The following IL33 variants were observed in gnomAD, a reference collection of about 807,000 sequenced individuals.
IL33 encodes interleukin 33, also known as interleukin-33.
A neutral mutation model predicts 27.3 loss-of-function variants in IL33; 37 were observed. That is an observed-to-expected ratio of 1.36 (90% CI 1.04 to 1.78). The LOEUF (loss-of-function observed/expected upper bound fraction) is 1.78, where lower values mean the gene tolerates loss of function less well. Among genes scored for constraint, IL33 ranks in the 40% most tolerant of loss-of-function variants. IL33 has a pLI of 0.00. For missense variants in IL33, 406 were observed against 311.4 expected (o/e 1.30, Z -2.29); for synonymous variants, 132 against 102.9 (o/e 1.28, Z -1.71).
At chr9:6,230,487 C>T (rs952574828) in intron 1 of IL33, among the ~76,000 whole-genome samples, 3 of 152,082 alleles carry the variant, frequency 2.0e-5, no homozygotes, top group Non-Finnish European at 4.4e-5. Flanking sequence ...TCTAATCTCC[C>T]TTAAGAAAGA....
chr9:6,233,017 T>C, intron 1 of IL33, among the ~76,000 whole-genome samples: 1 of 152,214 alleles, frequency 6.6e-6, no homozygotes, highest in Non-Finnish European at 1.5e-5. Context: ...ATACATAATA[T>C]AAAATTTACC....
intron 2 of IL33, among the ~76,000 whole-genome samples, chr9:6,243,035 C>T (rs929429475): frequency 3.9e-5 from 6 of 152,148 alleles, no homozygotes; most frequent in African/African-American, 7.2e-5. Context: ...AGTGAGAATT[C>T]GCTCTTGTGA....
intron 1 of IL33, among the ~76,000 whole-genome samples, chr9:6,234,440 C>G (rs1343288122): frequency 5.3e-5 from 8 of 152,220 alleles, no homozygotes; most frequent in Admixed American, 5.2e-4. Context: ...TTCCCCTCAT[C>G]CCCAGTCCAG....
intron 2 of IL33, 65 bp downstream of exon 2, chr9:6,241,850 C>A: frequency 9.3e-7 from 1 of 1,074,166 alleles, no homozygotes; most frequent in Non-Finnish European, 1.4e-6. Context: ...AATATTTATA[C>A]TCCAATGTTT....
chr9:6,234,662 T>A (rs560892081), intron 1 of IL33, among the ~76,000 whole-genome samples: 49 of 152,282 alleles, frequency 3.2e-4, no homozygotes, highest in African/African-American at 1.1e-3. Flanking sequence ...CATCCCCTCC[T>A]CGTTAGTCCC....
Position 6,256,234 on chromosome 9 carries a change from TAAAG to T in IL33, c.*72_*75del. Reference sequence around the variant, plus strand: ...CTACCACTGGAGAAGGAATGAGAGATAAAGAAAGAGACAGGTGACATCTAAGGGA... The same window carrying T: ...CTACCACTGGAGAAGGAATGAGAGATAAAGAGACAGGTGACATCTAAGGGA... On this transcript the variant is annotated 3_prime_UTR_variant, in exon 8 of 8. Coordinates refer to ENST00000682010, the MANE Select transcript of IL33 (RefSeq NM_033439.4). The T allele has an allele frequency of 1.7e-6, 2 of 1,176,458 alleles. No homozygotes were observed. The highest frequency in any genetic ancestry group is 1.5e-5 in the African/African-American group (1 of 65,978). The allele number at this position is 1,176,458 out of a possible 1,614,324, so 72.9% of individuals were successfully genotyped here. A position where few individuals can be genotyped will look rare whatever the true frequency, so the allele number is the denominator to read the frequency against.
At chr9:6,250,174 T>A (rs1215721593) in intron 2 of IL33, among the ~76,000 whole-genome samples, 1 of 152,214 alleles carries the variant, frequency 6.6e-6, no homozygotes, top group African/African-American at 2.4e-5. Context: ...TGATGTGAAC[T>A]AACATAAGGT....
At chr9:6,252,075 AAACAAAACAAAAC>A (rs1816417349) in intron 4 of IL33, among the ~76,000 whole-genome samples, 1 of 134,512 alleles carries the variant, frequency 7.4e-6, no homozygotes, top group African/African-American at 3.0e-5. Flanking sequence ...ACCCAACAAA[AAACAAAACAAAAC>A]AAAAAAACCA....
chr9:6,247,867 C>A (rs1020213176), intron 2 of IL33, among the ~76,000 whole-genome samples: 1 of 151,918 alleles, frequency 6.6e-6, no homozygotes, highest in African/African-American at 2.4e-5. Context: ...TGAACTATAA[C>A]CAGTGCTTGT....
intron 1 of IL33, among the ~76,000 whole-genome samples, chr9:6,222,977 T>C (rs1466794782): frequency 1.3e-5 from 2 of 152,152 alleles, no homozygotes; most frequent in Admixed American, 1.3e-4. Context: ...TAAGTGTAAG[T>C]TCTGGAGAAA....
At chr9:6,241,654 A>G (rs756815184) in intron 1 of IL33, 30 bp from the exon 2 acceptor site, 10 of 1,372,652 alleles carry the variant, frequency 7.3e-6, no homozygotes, top group Admixed American at 2.0e-5. Context: ...GTTGAGACAA[A>G]TGAACTAATA....
At chr9:6,238,100 C>T (rs1819333019) in intron 1 of IL33, among the ~76,000 whole-genome samples, 1 of 152,050 alleles carries the variant, frequency 6.6e-6, no homozygotes, top group Admixed American at 6.6e-5. Flanking sequence ...TATTTTCTTC[C>T]TGTTTTGAGG....
At chr9:6,237,524 A>G (rs1819291030) in intron 1 of IL33, among the ~76,000 whole-genome samples, 1 of 152,164 alleles carries the variant, frequency 6.6e-6, no homozygotes, top group Non-Finnish European at 1.5e-5. Context: ...AGTTCTTCCA[A>G]GTGCGTTCTC....
At position 6,252,872 on chromosome 9, in the gene IL33, C is replaced by A; in HGVS notation, c.350C>A (p.Ser117Ter). The A allele has an allele frequency of 6.2e-7, 1 of 1,600,042 alleles. No individual in the cohort carries two copies. Among genetic ancestry groups the A allele is most frequent in the Non-Finnish European group, 8.5e-7 (1 of 1,176,374 alleles). ...TTTGAATTCTTAACAACAGGAATTT[C>A]ACCTATTACAGAGTATCTTGCTTCT... is the stretch of plus-strand genomic sequence containing the variant. ...ALHDSSITGI[S>*]PITEYLASLS... Residue 117 changes from serine (S) to a stop codon, truncating the protein, a stop_gained, in exon 5 of 8, where the codon TCA (serine) becomes TAA (stop). Coordinates refer to ENST00000682010, the MANE Select transcript of IL33 (RefSeq NM_033439.4). LOFTEE classifies it high-confidence loss of function.
In IL33 at chr9:6,253,555, A is replaced by C; in HGVS notation, c.473A>C (p.Lys158Thr). The C allele has an allele frequency of 6.2e-7, 1 of 1,603,360 alleles. No homozygotes were observed. Among genetic ancestry groups the C allele is most frequent in the Non-Finnish European group, 8.5e-7 (1 of 1,173,464 alleles). The stretch of plus-strand genomic sequence containing the variant: ...GATTTTATGCATTCTCTTTCAGATA[A>C]GGTGTTACTGAGTTACTATGAGTCT... ...EDLKKDEKKD[K>T]VLLSYYESQH... The change falls in exon 6 of 8, where the codon AAG (lysine) becomes ACG (threonine). Residue 158 changes from lysine (K) to threonine (T), a missense_variant. Lys to Thr is a moderately conservative substitution (Grantham distance 78). Coordinates refer to ENST00000682010, the MANE Select transcript of IL33 (RefSeq NM_033439.4).
chr9:6,241,509 C>G (rs186609812), intron 1 of IL33, among the ~76,000 whole-genome samples, 175 bp from the exon 2 acceptor site: 22 of 152,310 alleles, frequency 1.4e-4, no homozygotes, highest in Admixed American at 7.8e-4. Flanking sequence ...TTATGCAGTG[C>G]AGAGTACCAT....
rs531662415 is a variant in IL33, at chr9:6,242,052, G to A, written c.91+267G>A. On this transcript the variant is annotated intron_variant, in intron 2 of 7. Transcript: ENST00000682010. ...GTGAATAGTGATAAACTTAATTATA[G>A]CCTTTTATATCAACCACTTTTTGCT... The A allele has an allele frequency of 7.3e-4, 160 of 218,610 alleles. 3 individuals are homozygous for A. In the East Asian group the frequency reaches 0.014, roughly 18 times the overall value. The allele number at this position is 218,610 out of a possible 1,614,324, so 13.5% of individuals were successfully genotyped here.
At chr9:6,246,946 C>G (rs1819893488) in intron 2 of IL33, among the ~76,000 whole-genome samples, 1 of 152,182 alleles carries the variant, frequency 6.6e-6, no homozygotes, top group South Asian at 2.1e-4. Flanking sequence ...AAGGTAGCTG[C>G]AGGTCACCCA....
chr9:6,217,023 CAA>C (rs1322188641), intron 1 of IL33, among the ~76,000 whole-genome samples: 1 of 152,048 alleles, frequency 6.6e-6, no homozygotes, highest in Non-Finnish European at 1.5e-5. Context: ...TAGGGTTTTT[CAA>C]GGTTAGTTTG....
Sources: gnomAD v4.1 joint callset for allele counts (sites outside exome capture counted in the v4.1 genomes callset) on GRCh38, gnomAD v4.1.1 for gene constraint, MANE v1.5 for transcripts, NCBI Gene and HGNC (gene_info 2026-07-23, HGNC 2026-07-21) for gene names.